GABRB1: variants seen among roughly 807,000 people sequenced by gnomAD.
GABRB1 encodes gamma-aminobutyric acid type A receptor subunit beta1, also known as gamma-aminobutyric acid receptor subunit beta-1.
GABRB1 carries 17 observed loss-of-function variants against 51.6 expected under a neutral mutation model. That is an observed-to-expected ratio of 0.33 (90% confidence interval 0.23 to 0.49). GABRB1 has a LOEUF of 0.49. GABRB1 is among the 20% of genes least tolerant of loss of function. The pLI, the probability that GABRB1 is intolerant of heterozygous loss-of-function variation, is 0.99. For synonymous variants in GABRB1, 247 were observed against 218.9 expected (o/e 1.13, Z -1.14); for missense variants, 410 against 600.6 (o/e 0.68, Z 3.32).
chr4:47,334,631 G>A (rs1019533616), intron 5 of GABRB1, among the ~76,000 whole-genome samples: 1 of 152,100 alleles, frequency 6.6e-6, no homozygotes, highest in African/African-American at 2.4e-5. Context: ...CACTCTATTT[G>A]ATTTTATTTG....
At chr4:47,212,076 G>T (rs1301798544) in intron 4 of GABRB1, among the ~76,000 whole-genome samples, 1 of 151,786 alleles carries the variant, frequency 6.6e-6, no homozygotes, top group African/African-American at 2.4e-5. Context: ...AGCCTGAGTG[G>T]CAAAGGGAAT....
chr4:47,126,005 TATATATGTATACATACATATATACACAC>T (rs1192528057), intron 3 of GABRB1, among the ~76,000 whole-genome samples: 1 of 151,190 alleles, frequency 6.6e-6, no homozygotes, highest in Non-Finnish European at 1.5e-5. Context: ...GCATTGTGTC[TATATATGTATACATACATATATACACAC>T]ATATATATGT....
At chr4:47,093,271 C>G (rs1433088387) in intron 3 of GABRB1, among the ~76,000 whole-genome samples, 1 of 152,196 alleles carries the variant, frequency 6.6e-6, no homozygotes, top group Non-Finnish European at 1.5e-5. Flanking sequence ...GTTCCTCAAC[C>G]AAAATCCCCA....
intron 4 of GABRB1, among the ~76,000 whole-genome samples, chr4:47,252,298 G>T (rs1241557834): frequency 1.3e-5 from 2 of 151,946 alleles, no homozygotes; most frequent in Non-Finnish European, 2.9e-5. Context: ...TTCTCCAGTG[G>T]GGGGTGTTTG....
intron 5 of GABRB1, among the ~76,000 whole-genome samples, chr4:47,393,394 T>C (rs1354889752): frequency 6.6e-6 from 1 of 152,106 alleles, no homozygotes; most frequent in Non-Finnish European, 1.5e-5. Flanking sequence ...TCGAGGCGTG[T>C]GTATAGTGGA....
chr4:47,378,408 G>T (rs893770062), intron 5 of GABRB1, among the ~76,000 whole-genome samples: 2 of 152,144 alleles, frequency 1.3e-5, no homozygotes, highest in African/African-American at 4.8e-5. Context: ...AGCACCGCGC[G>T]CAGCCCGGGT....
intron 3 of GABRB1, among the ~76,000 whole-genome samples, chr4:47,152,926 C>A (rs1230190294): frequency 1.3e-5 from 2 of 151,992 alleles, no homozygotes; most frequent in Admixed American, 6.6e-5. Flanking sequence ...CTAATGCAAG[C>A]ACTTATTAAA....
intron 8 of GABRB1, among the ~76,000 whole-genome samples, chr4:47,417,893 A>G (rs1353646089): frequency 6.6e-6 from 1 of 152,256 alleles, no homozygotes; most frequent in African/African-American, 2.4e-5. Context: ...GAGTTCAGCT[A>G]TACTTATATA....
At chr4:47,129,607 A>G (rs1338944151) in intron 3 of GABRB1, among the ~76,000 whole-genome samples, 2 of 152,222 alleles carry the variant, frequency 1.3e-5, no homozygotes, top group African/African-American at 2.4e-5. Flanking sequence ...AATTGTAAAT[A>G]GTTAATTAAT....
intron 4 of GABRB1, among the ~76,000 whole-genome samples, chr4:47,284,015 G>A (rs1366735077): frequency 1.3e-5 from 2 of 150,674 alleles, no homozygotes; most frequent in Non-Finnish European, 2.9e-5. Flanking sequence ...GGAGAATGGC[G>A]TGAACCCGGG....
chr4:47,345,266 G>A (rs1339767297), intron 5 of GABRB1, among the ~76,000 whole-genome samples: 1 of 152,132 alleles, frequency 6.6e-6, no homozygotes, highest in Non-Finnish European at 1.5e-5. Context: ...ATGCTAAGAT[G>A]ACAACAGAGA....
chr4:47,018,945 TG>T (rs1724830239), intron 1 of GABRB1, among the ~76,000 whole-genome samples: 1 of 152,220 alleles, frequency 6.6e-6, no homozygotes, highest in South Asian at 2.1e-4. Flanking sequence ...TCATCATTTT[TG>T]CTCTTATCTT....
intron 4 of GABRB1, among the ~76,000 whole-genome samples, chr4:47,167,568 A>G (rs886496935): frequency 6.6e-5 from 10 of 152,104 alleles, no homozygotes; most frequent in Non-Finnish European, 1.2e-4. Flanking sequence ...GCAAACAGCT[A>G]GTGGAATGAG....
intron 3 of GABRB1, among the ~76,000 whole-genome samples, chr4:47,100,924 C>T (rs192474255): frequency 1.1e-4 from 16 of 152,016 alleles, no homozygotes; most frequent in Admixed American, 9.8e-4. Context: ...TTTAGAAGAA[C>T]ATAACATGTC....
intron 3 of GABRB1, among the ~76,000 whole-genome samples, chr4:47,151,164 G>T (rs1489422025): frequency 6.6e-6 from 1 of 151,930 alleles, no homozygotes; most frequent in Non-Finnish European, 1.5e-5. Flanking sequence ...GCCCAATAGA[G>T]TCCTTACTGG....
At chr4:47,217,501 A>G (rs1341666687) in intron 4 of GABRB1, among the ~76,000 whole-genome samples, 2 of 151,750 alleles carry the variant, frequency 1.3e-5, no homozygotes, top group Non-Finnish European at 3.0e-5. Flanking sequence ...CTACCTGTTC[A>G]TGCTTGTCTC....
chr4:47,287,605 C>A (rs1325888137), intron 4 of GABRB1, among the ~76,000 whole-genome samples: 1 of 152,232 alleles, frequency 6.6e-6, no homozygotes, highest in African/African-American at 2.4e-5. Flanking sequence ...TTTCAATGAT[C>A]CTCACTTTCT....
intron 3 of GABRB1, among the ~76,000 whole-genome samples, chr4:47,035,575 C>G (rs1309680537): frequency 6.6e-6 from 1 of 152,102 alleles, no homozygotes; most frequent in Non-Finnish European, 1.5e-5. Context: ...TAAAAAACCA[C>G]CATGATTTCC....
chr4:47,289,332 C>A (rs1355396782), intron 4 of GABRB1, among the ~76,000 whole-genome samples: 1 of 152,158 alleles, frequency 6.6e-6, no homozygotes, highest in Non-Finnish European at 1.5e-5. Flanking sequence ...TCTTTGAAAT[C>A]AGATCCAACT....
Sources: allele counts gnomAD v4.1 joint callset (sites outside exome capture counted in the v4.1 genomes callset), GRCh38; gene constraint gnomAD v4.1.1; transcripts MANE v1.5; gene names NCBI Gene and HGNC (gene_info 2026-07-23, HGNC 2026-07-21).